The following TMPRSS15 variants were observed in gnomAD, a reference collection of about 807,000 sequenced individuals.
TMPRSS15 encodes the protein transmembrane serine protease 15.
TMPRSS15 carries 128 observed loss-of-function variants against 125.3 expected under a neutral mutation model. The observed-to-expected ratio is 1.02, with a 90% CI of 0.89 to 1.18. The LOEUF (loss-of-function observed/expected upper bound fraction) is 1.18, where lower values mean the gene tolerates loss of function less well. Ranked by LOEUF, TMPRSS15 falls within the 50% of genes most tolerant of loss-of-function variation. The pLI is 0.00. For synonymous variants in TMPRSS15, 446 were observed against 423.2 expected (o/e 1.05, Z -0.66); for missense variants, 1,283 against 1,212.7 (o/e 1.06, Z -0.86).
chr21:18,460,864 G>A (rs1338872520), intron 1 of TMPRSS15: 1 of 152,128 alleles, frequency 6.6e-6, no homozygotes, highest in Admixed American at 6.6e-5. Flanking sequence ...GGGCACTGTT[G>A]ACACCTAAAA....
chr21:18,431,712 A>T (rs553342894), intron 1 of TMPRSS15, among the ~76,000 whole-genome samples: 33 of 152,180 alleles, frequency 2.2e-4, no homozygotes, highest in African/African-American at 7.9e-4. Flanking sequence ...TATGCATAAA[A>T]TTTTTCTTAC....
chr21:18,331,356 G>A (rs1477491306), intron 14 of TMPRSS15, among the ~76,000 whole-genome samples: 1 of 152,110 alleles, frequency 6.6e-6, no homozygotes, highest in African/African-American at 2.4e-5. Context: ...GCACGACCAT[G>A]GAAAGATGTT....
chr21:18,435,241 C>A (rs894422165), intron 1 of TMPRSS15, among the ~76,000 whole-genome samples: 1 of 152,086 alleles, frequency 6.6e-6, no homozygotes, highest in African/African-American at 2.4e-5. Flanking sequence ...AGTTTTTGCC[C>A]ATTCAGTATG....
chr21:18,337,753 A>G (rs2075406066), intron 13 of TMPRSS15, among the ~76,000 whole-genome samples: 2 of 152,304 alleles, frequency 1.3e-5, no homozygotes, highest in African/African-American at 4.8e-5. Flanking sequence ...AAGAAAGGCT[A>G]TTAGCCAGTC....
At chr21:18,444,006 G>A (rs936584837) in intron 1 of TMPRSS15, among the ~76,000 whole-genome samples, 2 of 152,096 alleles carry the variant, frequency 1.3e-5, no homozygotes, top group African/African-American at 4.8e-5. Flanking sequence ...GTTTGAACTT[G>A]GCTGGCAGGC....
At chr21:18,373,488 A>G (rs926751863) in intron 5 of TMPRSS15, among the ~76,000 whole-genome samples, 16 of 152,310 alleles carry the variant, frequency 1.1e-4, no homozygotes, top group African/African-American at 3.8e-4. Context: ...AAATGCATAT[A>G]TTTGTTGATA....
intron 24 of TMPRSS15, among the ~76,000 whole-genome samples, chr21:18,272,649 C>T (rs10084581): frequency 0.5 from 76,334 of 151,858 alleles, 20,208 homozygotes; most frequent in African/African-American, 0.64. Flanking sequence ...CACTTGAATC[C>T]GGCAGGTGGA....
chr21:18,479,383 T>C (rs1433038192), intron 1 of TMPRSS15, among the ~76,000 whole-genome samples: 1 of 152,008 alleles, frequency 6.6e-6, no homozygotes, highest in Non-Finnish European at 1.5e-5. Context: ...AACTTTTCTC[T>C]GTGAAAGACT....
chr21:18,478,783 T>C (rs1978926398), intron 1 of TMPRSS15, among the ~76,000 whole-genome samples: 1 of 152,002 alleles, frequency 6.6e-6, no homozygotes, highest in Admixed American at 6.6e-5. Flanking sequence ...TTCTCACATT[T>C]TATGAGGGAA....
chr21:18,414,189 GT>G (rs552015512), intron 1 of TMPRSS15, among the ~76,000 whole-genome samples: 2,195 of 151,686 alleles, frequency 0.014, 36 homozygotes, highest in Non-Finnish European at 0.022. Context: ...ATTTTTAACA[GT>G]TTTTTTTAAG....
In TMPRSS15 at chr21:18,269,684, A is replaced by C; in HGVS notation, c.*285T>G. ...TCCCTTTAAACAACAGTAAGTAATAAAAATAATCATTAAGAATTTTAAAAA... is the reference window on the plus strand; with the variant it reads ...TCCCTTTAAACAACAGTAAGTAATACAAATAATCATTAAGAATTTTAAAAA... On this transcript the variant is annotated 3_prime_UTR_variant, in exon 25 of 25. Coordinates refer to ENST00000284885, the MANE Select transcript of TMPRSS15 (RefSeq NM_002772.3). 2.9e-6 allele frequency: 1 copy of C among 343,910 alleles called. No individual in the cohort carries two copies. Among genetic ancestry groups the C allele is most frequent in the Non-Finnish European group, 5.4e-6 (1 of 183,750 alleles). 21.3% of individuals were successfully genotyped at this position (343,910 alleles called of 1,614,324 possible).
intron 10 of TMPRSS15, among the ~76,000 whole-genome samples, chr21:18,349,055 G>C (rs934853855): frequency 9.2e-5 from 14 of 152,004 alleles, no homozygotes; most frequent in Non-Finnish European, 1.3e-4. Flanking sequence ...AAGACTCCAG[G>C]GTCTGTATTT....
chr21:18,339,948 A>G (rs1478030617), intron 13 of TMPRSS15, among the ~76,000 whole-genome samples: 6 of 152,204 alleles, frequency 3.9e-5, no homozygotes, highest in Non-Finnish European at 1.5e-5. Flanking sequence ...TTTGACTTAA[A>G]AGATCTTATA....
intron 10 of TMPRSS15, among the ~76,000 whole-genome samples, chr21:18,352,095 T>C (rs17836432): frequency 0.041 from 6,281 of 152,140 alleles, 224 homozygotes; most frequent in East Asian, 0.12. Flanking sequence ...ATTTTCCTTA[T>C]ACATTCCTTC....
chr21:18,329,023 G>A, intron 15 of TMPRSS15, 146 bp downstream of exon 15: 1 of 861,096 alleles, frequency 1.2e-6, no homozygotes, highest in Admixed American at 2.3e-5. Flanking sequence ...TATATTGTAA[G>A]TTCCACATAA....
In TMPRSS15 at chr21:18,365,120, A is replaced by T; in HGVS notation, c.773+20T>A. On this transcript the variant is annotated intron_variant, in intron 7 of 24. Coordinates refer to ENST00000284885, the MANE Select transcript of TMPRSS15 (RefSeq NM_002772.3). Reference sequence around the variant, plus strand: ...AACGCTTTATGACTTAAGAACAGAAAATATAAGATCTTGTATTACCGTATG... The same window carrying T: ...AACGCTTTATGACTTAAGAACAGAATATATAAGATCTTGTATTACCGTATG... 3 of 1,596,036 alleles carry T rather than the reference A, an allele frequency of 1.9e-6. No homozygotes were observed. Among genetic ancestry groups the T allele is most frequent in the Non-Finnish European group, 2.6e-6 (3 of 1,163,596 alleles).
chr21:18,397,777 T>G (rs1475786863), intron 3 of TMPRSS15, 102 bp downstream of exon 3: 4 of 634,012 alleles, frequency 6.3e-6, no homozygotes, highest in African/African-American at 1.9e-5. Context: ...GTTGAAAAAT[T>G]TAAATATTCC....
chr21:18,279,477 C>A (rs1357277577), intron 22 of TMPRSS15, among the ~76,000 whole-genome samples: 1 of 150,926 alleles, frequency 6.6e-6, no homozygotes, highest in Admixed American at 6.6e-5. Flanking sequence ...AGGCGCCCGC[C>A]ACCACGCCTG....
chr21:18,358,207 G>A (rs902654951), intron 8 of TMPRSS15, among the ~76,000 whole-genome samples: 3 of 151,714 alleles, frequency 2.0e-5, no homozygotes, highest in Non-Finnish European at 3.0e-5. Context: ...TAAGAAACAT[G>A]AGAATATCTT....
Sources: gnomAD v4.1 joint callset for allele counts (sites outside exome capture counted in the v4.1 genomes callset) on GRCh38, gnomAD v4.1.1 for gene constraint, MANE v1.5 for transcripts, NCBI Gene and HGNC (gene_info 2026-07-23, HGNC 2026-07-21) for gene names.